SLC16A4: variants seen among roughly 807,000 people sequenced by gnomAD.
The protein encoded by SLC16A4 is probable monocarboxylate transporter 5.
A neutral mutation model predicts 47.9 loss-of-function variants in SLC16A4; 39 were observed. The observed-to-expected ratio is 0.81, with a 90% CI of 0.63 to 1.06. SLC16A4 has a LOEUF of 1.06. Ranked by LOEUF, SLC16A4 falls within the 50% of genes least tolerant of loss-of-function variation. The pLI is 0.00. For synonymous variants in SLC16A4, 189 were observed against 199.9 expected (o/e 0.95, Z 0.46); for missense variants, 524 against 573.8 (o/e 0.91, Z 0.89).
chr1:110,372,997 C>G (rs1437560115), intron 8 of SLC16A4: 4 of 151,942 alleles, frequency 2.6e-5, no homozygotes, highest in African/African-American at 9.7e-5. Context: ...GTGATATACT[C>G]TTTTTTAATC....
At chr1:110,380,371 A>C in intron 5 of SLC16A4, among the ~76,000 whole-genome samples, 1 of 152,192 alleles carries the variant, frequency 6.6e-6, no homozygotes, top group Non-Finnish European at 1.5e-5. Context: ...ACACACATAT[A>C]CATGTATTTT....
chr1:110,380,569 T>C (rs1662317028), intron 5 of SLC16A4, among the ~76,000 whole-genome samples: 1 of 150,840 alleles, frequency 6.6e-6, no homozygotes, highest in South Asian at 2.1e-4. Context: ...GGGGAGGAGT[T>C]TTTTTAAATG....
chr1:110,371,145 A>T (rs1661664332), intron 8 of SLC16A4: 1 of 152,130 alleles, frequency 6.6e-6, no homozygotes, highest in African/African-American at 2.4e-5. Context: ...CTAAGTTTCA[A>T]ATATTTATTT....
chr1:110,368,823 A>G (rs1252888161), intron 8 of SLC16A4, among the ~76,000 whole-genome samples: 1 of 138,820 alleles, frequency 7.2e-6, no homozygotes, highest in East Asian at 2.0e-4. Context: ...TTAATATTTT[A>G]AAACTATTCC....
In SLC16A4 at chr1:110,381,639, A is replaced by G. The variant is rs200434469; in HGVS notation, c.364+13T>C. On this transcript the variant is annotated intron_variant, in intron 4 of 8. Transcript: ENST00000369779. ...CCTGGCCTTCTATGGTCACATAATT[A>G]CAATGGACTCACCGGGTAGAAGTCC... is the stretch of plus-strand genomic sequence containing the variant. 7.5e-6 allele frequency: 12 copies of G among 1,607,266 alleles called. No individual in the cohort carries two copies. In the Admixed American group the frequency reaches 2.1e-4, roughly 28 times the overall value.
Position 110,380,058 on chromosome 1 carries a change from C to CAAAAAAAAA in SLC16A4, c.527-711_527-703dup, listed in dbSNP as rs542273389. ...AATGACAAAGCGAGAGAGCCTGTCT[C>CAAAAAAAAA]AAAAAAAAAAAAAAAGCAGCGGGAG... On this transcript the variant is annotated intron_variant, in intron 5 of 8. Coordinates refer to ENST00000369779, the MANE Select transcript of SLC16A4 (RefSeq NM_004696.3). Among the ~76,000 whole-genome samples the CAAAAAAAAA allele has an allele frequency of 2.4e-3, 231 of 96,194 alleles. 7 individuals carry two copies. Among genetic ancestry groups the CAAAAAAAAA allele is most frequent in the East Asian group, 5.2e-3 (10 of 1,930 alleles). The allele number at this position is 96,194 out of a possible 152,430, so 63.1% of individuals were successfully genotyped here.
Position 110,379,131 on chromosome 1 carries a change from T to G in SLC16A4, c.752A>C (p.Asn251Thr). The G allele has an allele frequency of 1.9e-6, 3 of 1,614,236 alleles. No homozygotes were observed. The highest frequency in any genetic ancestry group is 2.5e-6 in the Non-Finnish European group (3 of 1,180,046). ...TTQKAGLPSK[N>T]LTVSQNQSEE... ...ACTTTGATTTTGTGAGACTGTTAAA[T>G]TTTTGCTAGGTAGTCCAGCCTTCTG... Residue 251 changes from asparagine to threonine, a missense_variant, in exon 6 of 9, where the codon AAT becomes ACT. Asn to Thr is a moderately conservative substitution (Grantham distance 65). Coordinates refer to ENST00000369779, the MANE Select transcript of SLC16A4 (RefSeq NM_004696.3).
Position 110,374,091 on chromosome 1 carries a change from G to C in SLC16A4, c.1336+1367C>G, listed in dbSNP as rs190030442. Reference sequence around the variant, plus strand: ...GCTCTGTTGCCCAGGCTGGAGTGAAGTGGTGCAAAGTGAAGTCGGCTCACT... The same window carrying C: ...GCTCTGTTGCCCAGGCTGGAGTGAACTGGTGCAAAGTGAAGTCGGCTCACT... On this transcript the variant is annotated intron_variant, in intron 8 of 8. Coordinates refer to ENST00000369779, the MANE Select transcript of SLC16A4 (RefSeq NM_004696.3). Among the ~76,000 whole-genome samples, 124 of 150,636 alleles carry C rather than the reference G, an allele frequency of 8.2e-4. 1 individual carries two copies. The highest frequency in any genetic ancestry group is 3.4e-3 in the Middle Eastern group (1 of 290).
chr1:110,387,515 C>T (rs1662796458), intron 2 of SLC16A4, among the ~76,000 whole-genome samples: 1 of 152,174 alleles, frequency 6.6e-6, no homozygotes, highest in South Asian at 2.1e-4. Flanking sequence ...TTATTGTTAA[C>T]ATTTTGAGGA....
At chr1:110,376,069 G>A (rs1661981249) in intron 7 of SLC16A4, among the ~76,000 whole-genome samples, 1 of 151,912 alleles carries the variant, frequency 6.6e-6, no homozygotes, top group Admixed American at 6.6e-5. Flanking sequence ...TAGAGACGGA[G>A]TTTCACCATG....
At chr1:110,364,531 C>T (rs972437656) in intron 8 of SLC16A4, among the ~76,000 whole-genome samples, 64 of 117,412 alleles carry the variant, frequency 5.5e-4, no homozygotes, top group African/African-American at 2.1e-3. Flanking sequence ...GAGACAGAGG[C>T]TTGCTCTGTC....
intron 2 of SLC16A4, among the ~76,000 whole-genome samples, chr1:110,383,473 C>A (rs1662541372): frequency 6.6e-6 from 1 of 152,030 alleles, no homozygotes; most frequent in Non-Finnish European, 1.5e-5. Context: ...GAAATTCTAT[C>A]AAAGCTGCCC....
chr1:110,381,251 A>G, intron 4 of SLC16A4, 108 bp from the exon 5 acceptor site: 2 of 953,262 alleles, frequency 2.1e-6, no homozygotes, highest in South Asian at 3.2e-5. Context: ...TTTTGGACCC[A>G]GGAACAGTAG....
chr1:110,379,690 A>C (rs7530260), intron 5 of SLC16A4: 155,205 of 200,396 alleles, frequency 0.77, 60,592 homozygotes, highest in African/African-American at 0.88. Flanking sequence ...AAATATCCTG[A>C]AGTGAGAGTA....
At chr1:110,365,320 T>G (rs1158878790) in intron 8 of SLC16A4, among the ~76,000 whole-genome samples, 1 of 152,070 alleles carries the variant, frequency 6.6e-6, no homozygotes, top group African/African-American at 2.4e-5. Flanking sequence ...TCTGGTCTGC[T>G]TGTTTCATCT....
In SLC16A4 at chr1:110,363,870, T is replaced by C; in HGVS notation, c.1360A>G (p.Thr454Ala). Residue 454 changes from threonine (T) to alanine (A), a missense_variant, in exon 9 of 9, where the codon ACA (threonine) becomes GCA (alanine). Coordinates refer to ENST00000369779, the MANE Select transcript of SLC16A4 (RefSeq NM_004696.3). ...IAGWLYDYTQ[T>A]YNGSFYFSGI... ...GAGAAGTAGAAAGAGCCATTGTATG[T>C]CTGGGTATAATCATATAACCAGCCT... The C allele has an allele frequency of 6.2e-7, 1 of 1,612,794 alleles. No homozygotes were observed. The highest frequency in any genetic ancestry group is 8.5e-7 in the Non-Finnish European group (1 of 1,179,518).
rs750484779 is a variant in SLC16A4, at chr1:110,389,306, C to A, written c.18G>T (p.Gly6=). ...GGGTTTTAGTGTAAGGTTGGACCTT[C>A]CCCTCCCTCTTCAGCATGATGCCTC... MLKRE[G]KVQPYTKTLD... The change falls in exon 2 of 9, where the codon GGG becomes GGT. Residue 6 remains glycine (G), a synonymous_variant. Coordinates refer to ENST00000369779, the MANE Select transcript of SLC16A4 (RefSeq NM_004696.3). The A allele has an allele frequency of 2.5e-6, 4 of 1,611,990 alleles. No individual in the cohort carries two copies. Among genetic ancestry groups the A allele is most frequent in the Non-Finnish European group, 3.4e-6 (4 of 1,178,148 alleles).
At chr1:110,374,224 A>G (rs371902623) in intron 8 of SLC16A4, among the ~76,000 whole-genome samples, 25 of 152,034 alleles carry the variant, frequency 1.6e-4, no homozygotes, top group African/African-American at 5.8e-4. Flanking sequence ...TATTTTTAGT[A>G]GAGACCGGGT....
Position 110,389,252 on chromosome 1 carries a change from C to T in SLC16A4, c.72G>A (p.Val24=). 1 of 1,613,872 alleles carries T rather than the reference C, an allele frequency of 6.2e-7. No individual in the cohort carries two copies. Among genetic ancestry groups the T allele is most frequent in the Non-Finnish European group, 8.5e-7 (1 of 1,179,746 alleles). ...GAATTCTTACCAGGAAAAAATGAAT[C>T]ACAATCATCCATCCCCATCCTCCAT... is the stretch of plus-strand genomic sequence containing the variant. The part of the protein sequence containing the change: ...TLDGGWGWMI[V]IHFFLVNVFV... The change falls in exon 2 of 9, where the codon GTG becomes GTA. Residue 24 remains valine (V), a synonymous_variant. Coordinates refer to ENST00000369779, the MANE Select transcript of SLC16A4 (RefSeq NM_004696.3).
Sources: gnomAD v4.1 joint callset for allele counts (sites outside exome capture counted in the v4.1 genomes callset) on GRCh38, gnomAD v4.1.1 for gene constraint, MANE v1.5 for transcripts, NCBI Gene and HGNC (gene_info 2026-07-23, HGNC 2026-07-21) for gene names.